HSPG2: variants seen among roughly 807,000 people sequenced by gnomAD.
HSPG2 encodes the protein basement membrane-specific heparan sulfate proteoglycan core protein.
In HSPG2, 278 loss-of-function variants were observed where a neutral mutation model predicts 526.6. That is an observed-to-expected ratio of 0.53 (90% confidence interval 0.48 to 0.58). HSPG2 has a LOEUF of 0.58. HSPG2 is among the 20% of genes least tolerant of loss of function. The pLI is 0.00. For missense variants in HSPG2, 5,354 were observed against 6,099.5 expected (o/e 0.88, Z 4.07); for synonymous variants, 2,465 against 2,555.4 (o/e 0.96, Z 1.07).
In HSPG2 at chr1:21,842,330, G is replaced by C; in HGVS notation, c.8961C>G (p.Gly2987=). Residue 2987 remains glycine (G), a synonymous_variant, in exon 68 of 97, where the codon GGC becomes GGG. Coordinates refer to ENST00000374695, the MANE Select transcript of HSPG2 (RefSeq NM_005529.7). The part of the protein sequence containing the change: ...RLHLVSPADS[G]EYVCRAASGP... ...CGCTGGCTGCACGACACACATACTC[G>C]CCTGAGTCGGCAGGGGAGACGAGGT... is the stretch of plus-strand genomic sequence containing the variant. 1 of 1,611,812 alleles carries C rather than the reference G, an allele frequency of 6.2e-7. No individual in the cohort carries two copies.
Position 21,823,258 on chromosome 1 carries a change from T to C in HSPG2, c.*58A>G. 7.4e-7 allele frequency: 1 copy of C among 1,351,136 alleles called. No individual in the cohort carries two copies. Among genetic ancestry groups the C allele is most frequent in the Non-Finnish European group, 9.8e-7 (1 of 1,016,712 alleles). The allele number at this position is 1,351,136 out of a possible 1,614,324, so 83.7% of individuals were successfully genotyped here. ...ATTCATAATAATATTAATAATAATA[T>C]ACTCGACATTGTCGGGCTGGGGCGT... On this transcript the variant is annotated 3_prime_UTR_variant, in exon 97 of 97. Coordinates refer to ENST00000374695, the MANE Select transcript of HSPG2 (RefSeq NM_005529.7).
chr1:21,860,219 C>CGTAACCTGGGCCACACCTGTAA lies in HSPG2; in HGVS notation c.4956-6_4971dup (p.Val1658LeufsTer10). On this transcript the variant is annotated frameshift_variant, in exon 40 of 97. Transcript: ENST00000374695. LOFTEE classifies it high-confidence loss of function. ...CCCCCTTGCACACTGGGGTTACCCA[C>CGTAACCTGGGCCACACCTGTAA]GTAACCTGGGCCACACCTGTAAGGG... 6.2e-7 allele frequency: 1 copy of CGTAACCTGGGCCACACCTGTAA among 1,613,632 alleles called. No homozygotes were observed.
chr1:21,845,845 T>C (rs1005214548), intron 64 of HSPG2, among the ~76,000 whole-genome samples: 7 of 152,272 alleles, frequency 4.6e-5, no homozygotes, highest in Admixed American at 2.0e-4. Flanking sequence ...CATCTCCAAG[T>C]GTGGCCAGAG....
intron 1 of HSPG2, among the ~76,000 whole-genome samples, chr1:21,923,384 C>T (rs746416108): frequency 1.3e-4 from 19 of 151,650 alleles, no homozygotes; most frequent in Non-Finnish European, 2.4e-4. Context: ...CCAGCCTGGG[C>T]GACAGAGCAA....
In HSPG2 at chr1:21,831,524, G is replaced by A. The variant is rs745833251; in HGVS notation, c.11391C>T (p.Tyr3797=). Residue 3797 remains tyrosine, a synonymous_variant, in exon 83 of 97, where the codon TAC becomes TAT. Coordinates refer to ENST00000374695, the MANE Select transcript of HSPG2 (RefSeq NM_005529.7). ...FQGLDLNEEL[Y]LGGYPDYGAI... ...CACCATAGTCAGGATAGCCACCCAG[G>A]TAGAGTTCCTCGTTCAGATCCAGGC... 1.9e-6 allele frequency: 3 copies of A among 1,614,174 alleles called. No homozygotes were observed. The highest frequency in any genetic ancestry group is 1.1e-5 in the South Asian group (1 of 91,086).
chr1:21,837,445 AT>A lies in HSPG2; in HGVS notation c.10151-440del, dbSNP rs548828521. On this transcript the variant is annotated intron_variant, in intron 74 of 96. Transcript: ENST00000374695. ...ACAGGTGCGCCACCGTGCCTGGCTA[AT>A]TTTTTTTTTTTTTTTGTATTTTAGT... Among the ~76,000 whole-genome samples, 964 of 139,138 alleles carry A rather than the reference AT, an allele frequency of 6.9e-3. 3 individuals are homozygous for A. The highest frequency in any genetic ancestry group is 0.011 in the African/African-American group (417 of 38,504). 91.3% of individuals were successfully genotyped at this position (139,138 alleles called of 152,430 possible).
In HSPG2 at chr1:21,859,334, A is replaced by G. The variant is rs992870197; in HGVS notation, c.5293+232T>C. On this transcript the variant is annotated intron_variant, in intron 42 of 96. Transcript: ENST00000374695. The surrounding 1 kb of genome is among the most constrained non-coding windows in gnomAD (Gnocchi z 5.3). ...AGTGTTGGGATTATAGACGTGACCC[A>G]CCGTGCCCGGCCCACCCTTTTCTTT... Among the ~76,000 whole-genome samples the G allele has an allele frequency of 2.6e-5, 4 of 152,130 alleles. No homozygotes were observed. Among genetic ancestry groups the G allele is most frequent in the South Asian group, 2.1e-4 (1 of 4,820 alleles).
At position 21,873,674 on chromosome 1, in the gene HSPG2, G is replaced by T. The variant is rs1299952983; in HGVS notation, c.3744-250C>A. On this transcript the variant is annotated intron_variant, in intron 29 of 96. Coordinates refer to ENST00000374695, the MANE Select transcript of HSPG2 (RefSeq NM_005529.7). ...AGCAGGGGTTTTGTGGGAAGACTCT[G>T]GCCTGGCTGGGGCAGGGGGCCAGGG... Among the ~76,000 whole-genome samples the T allele has an allele frequency of 6.6e-6, 1 of 152,228 alleles. No homozygotes were observed. The highest frequency in any genetic ancestry group is 2.4e-5 in the African/African-American group (1 of 41,448).
chr1:21,861,223 G>A (rs533616300), intron 39 of HSPG2, among the ~76,000 whole-genome samples: 1 of 152,318 alleles, frequency 6.6e-6, no homozygotes, highest in South Asian at 2.1e-4. Context: ...TGGTACACAG[G>A]AGCTGCTTGA....
At position 21,937,118 on chromosome 1, in the gene HSPG2, CGCCCCCGCCCCCCGCCCCTCT is replaced by C; in HGVS notation, c.63+16_63+36del. 1.8e-5 allele frequency: 4 copies of C among 218,046 alleles called. No individual in the cohort carries two copies. Among genetic ancestry groups the C allele is most frequent in the South Asian group, 1.6e-4 (1 of 6,260 alleles). 13.5% of individuals were successfully genotyped at this position (218,046 alleles called of 1,614,324 possible). ...GGGACCGGGGCGCCCCTAGCCCCTC[CGCCCCCGCCCCCCGCCCCTCT>C]GCCCCGCACACTCACCGCCAGCAGC... On this transcript the variant is annotated intron_variant, in intron 1 of 96. Transcript: ENST00000374695.
In HSPG2 at chr1:21,895,447, C is replaced by G. The variant is rs1022399682; in HGVS notation, c.244+475G>C. On this transcript the variant is annotated intron_variant, in intron 3 of 96. Transcript: ENST00000374695. The surrounding 1 kb of genome is among the most constrained non-coding windows in gnomAD (Gnocchi z 4.1). ...ACCCACCTTAAGGCAAGGTTCTCTC[C>G]CAAGCCTAGCGTCAGGCTCGATCTG... 6.6e-6 allele frequency among the ~76,000 whole-genome samples: 1 copy of G among 152,168 alleles called. No individual in the cohort carries two copies. The highest frequency in any genetic ancestry group is 1.5e-5 in the Non-Finnish European group (1 of 68,008).
intron 75 of HSPG2, 59 bp from the exon 76 acceptor site, chr1:21,835,696 C>G: frequency 7.4e-7 from 1 of 1,356,736 alleles, no homozygotes; most frequent in Non-Finnish European, 1.0e-6. Context: ...GAATGCTTTG[C>G]AATTGGGCTG....
At chr1:21,878,802 G>A (rs1258205561) in intron 18 of HSPG2, 139 bp from the exon 19 acceptor site, 17 of 1,171,716 alleles carry the variant, frequency 1.5e-5, no homozygotes, top group Non-Finnish European at 2.1e-5. Context: ...CAGCCTCACA[G>A]CAACTGTAGG....
At chr1:21,856,094 G>T (rs1335430989) in intron 44 of HSPG2, among the ~76,000 whole-genome samples, 182 bp from the exon 45 acceptor site, 3 of 152,102 alleles carry the variant, frequency 2.0e-5, no homozygotes, top group African/African-American at 7.2e-5. Context: ...CTTGAGACCT[G>T]TCCATGACTC....
chr1:21,835,712 G>GAGCCACCACGCCCA, intron 75 of HSPG2, 75 bp from the exon 76 acceptor site: 2 of 1,119,672 alleles, frequency 1.8e-6, no homozygotes, highest in Non-Finnish European at 2.7e-6. Flanking sequence ...GGCTGGGCGT[G>GAGCCACCACGCCCA]GTGGCTCACG....
At chr1:21,870,933 A>G in intron 33 of HSPG2, 1 of 952,328 alleles carries the variant, frequency 1.1e-6, no homozygotes, top group Non-Finnish European at 1.3e-6. Context: ...ATTGCAGGAC[A>G]GGGCAGCAGG....
In HSPG2 at chr1:21,890,310, C is replaced by G; in HGVS notation, c.413+117G>C. 1.6e-6 allele frequency: 2 copies of G among 1,274,424 alleles called. No individual in the cohort carries two copies. The highest frequency in any genetic ancestry group is 2.3e-6 in the Non-Finnish European group (2 of 877,380). The allele number at this position is 1,274,424 out of a possible 1,614,324, so 78.9% of individuals were successfully genotyped here. A position where few individuals can be genotyped will look rare whatever the true frequency, so the allele number is the denominator to read the frequency against. ...CCCGACCAATTCCTGAATTTCCACC[C>G]ACAGCGACTCATCCCATAGGCCTTT... is the stretch of plus-strand genomic sequence containing the variant. On this transcript the variant is annotated intron_variant, in intron 5 of 96. Transcript: ENST00000374695. The surrounding 1 kb of genome is among the most constrained non-coding windows in gnomAD (Gnocchi z 4.1).
rs1369700818 is a variant in HSPG2 at position 21,884,788 on chromosome 1, G to C, written c.1486C>G (p.Leu496Val). The change falls in exon 12 of 97, where the codon CTT becomes GTT. Residue 496 changes from leucine (L) to valine (V), a missense_variant. Physicochemically the swap from Leu to Val is conservative, Grantham distance 32 (BLOSUM62 1). Transcript: ENST00000374695. ...GMVFGIPDGV[L>V]ELVPQRGPCP... ...GTACCTCGTTGTGGGACGAGCTCAA[G>C]GACACCGTCAGGAATGCCAAACACC... 1 of 1,613,672 alleles carries C rather than the reference G, an allele frequency of 6.2e-7. No homozygotes were observed. The highest frequency in any genetic ancestry group is 8.5e-7 in the Non-Finnish European group (1 of 1,180,000).
At position 21,859,699 on chromosome 1, in the gene HSPG2, T is replaced by C. The variant is rs1639642494; in HGVS notation, c.5183-23A>G. ...AGCCTGGTGGGGAGGAGACAAGAGC[T>C]TGTTGGTGCAGATACACTCTTTCTC... On this transcript the variant is annotated intron_variant, in intron 41 of 96. Coordinates refer to ENST00000374695, the MANE Select transcript of HSPG2 (RefSeq NM_005529.7). This position sits in a 1 kb window ranked among gnomAD's most constrained non-coding sequence, Gnocchi z 5.3. 2 of 1,594,874 alleles carry C rather than the reference T, an allele frequency of 1.3e-6. No individual in the cohort carries two copies. The highest frequency in any genetic ancestry group is 8.5e-7 in the Non-Finnish European group (1 of 1,170,086).
Sources: allele counts gnomAD v4.1 joint callset (sites outside exome capture counted in the v4.1 genomes callset), GRCh38; gene constraint gnomAD v4.1.1; non-coding constraint Gnocchi (gnomAD v3.1); transcripts MANE v1.5; gene names NCBI Gene and HGNC (gene_info 2026-07-23, HGNC 2026-07-21).